SPMIP8: variants seen among roughly 807,000 people sequenced by gnomAD.
SPMIP8 encodes the protein sperm microtubule inner protein 8.
At chr16:57,977,841 C>T in the SPMIP8 span, 7 of 1,613,846 alleles carry the variant, frequency 4.3e-6, no homozygotes, top group Admixed American at 1.2e-4. Context: ...TGACCTGGTG[C>T]CCTGGGACGA....
the SPMIP8 span, chr16:57,977,720 A>T: frequency 7.5e-7 from 1 of 1,339,204 alleles, no homozygotes; most frequent in Non-Finnish European, 1.0e-6. Context: ...TTTGGCAAGT[A>T]GACATCGGCA....
the SPMIP8 span, chr16:57,984,729 T>C: frequency 1.2e-5 from 19 of 1,603,926 alleles, no homozygotes; most frequent in Non-Finnish European, 1.5e-5. Context: ...GGACTGGCCC[T>C]GCTTCACGCG....
the SPMIP8 span, among the ~76,000 whole-genome samples, chr16:57,981,410 AATAATTATTATTATTATTATT>A: frequency 4.3e-4 from 25 of 57,778 alleles, 1 homozygote; most frequent in African/African-American, 7.2e-4. Context: ...TTATTATAAT[AATAATTATTATTATTATTATT>A]ATAATTTGGT....
chr16:57,985,270 A>C, the SPMIP8 span: 12 of 1,549,058 alleles, frequency 7.7e-6, no homozygotes, highest in Non-Finnish European at 1.0e-5. Context: ...CCTGGCGGGT[A>C]GGGAGCGCTG....
chr16:57,985,415 T>TGGGGCGTGGGC, the SPMIP8 span: 1 of 1,612,726 alleles, frequency 6.2e-7, no homozygotes, highest in Non-Finnish European at 8.5e-7. Context: ...AAGCCCTGTG[T>TGGGGCGTGGGC]GGGGCGTGGG....
chr16:57,977,185 G>A, the SPMIP8 span, among the ~76,000 whole-genome samples: 2 of 151,998 alleles, frequency 1.3e-5, no homozygotes, highest in South Asian at 2.1e-4. Context: ...TGAGGCGGGT[G>A]GATCACTTGA....
chr16:57,981,106 C>A, the SPMIP8 span, among the ~76,000 whole-genome samples: 1 of 152,120 alleles, frequency 6.6e-6, no homozygotes, highest in Admixed American at 6.6e-5. Context: ...CTTGGCCGGG[C>A]GTGGCGGTTC....
the SPMIP8 span, among the ~76,000 whole-genome samples, chr16:57,981,956 G>T: frequency 6.6e-6 from 1 of 152,174 alleles, no homozygotes; most frequent in Non-Finnish European, 1.5e-5. Flanking sequence ...AGCCAAGAGG[G>T]GGGTCCGCTC....
the SPMIP8 span, among the ~76,000 whole-genome samples, chr16:57,976,864 T>A: frequency 6.6e-6 from 1 of 152,330 alleles, no homozygotes; most frequent in East Asian, 1.9e-4. Flanking sequence ...TCTCAACAAA[T>A]TCTCACTAAA....
At chr16:57,984,467 T>A in the SPMIP8 span, 1 of 1,545,326 alleles carries the variant, frequency 6.5e-7, no homozygotes, top group Non-Finnish European at 8.9e-7. Context: ...GGTGCCTGCT[T>A]GGGACTCCCG....
At chr16:57,987,107 A>G in the SPMIP8 span, 1 of 367,204 alleles carries the variant, frequency 2.7e-6, no homozygotes, top group Non-Finnish European at 4.9e-6. Flanking sequence ...GGGTTTTGCT[A>G]CCATATGATG....
chr16:57,981,501 C>CTTTT, the SPMIP8 span, among the ~76,000 whole-genome samples: 8 of 68,982 alleles, frequency 1.2e-4, 1 homozygote, highest in African/African-American at 4.8e-4. Context: ...CTCTCTTTCT[C>CTTTT]TTTTTTTTTT....
the SPMIP8 span, chr16:57,987,367 C>T: frequency 2.0e-6 from 3 of 1,530,210 alleles, no homozygotes; most frequent in Non-Finnish European, 2.6e-6. Context: ...CCCTGGAAAC[C>T]CCCACCTCAC....
the SPMIP8 span, chr16:57,986,205 G>A: frequency 4.8e-6 from 2 of 412,520 alleles, no homozygotes; most frequent in South Asian, 1.4e-4. Context: ...AGGATAGGGC[G>A]AGGATGTTAA....
chr16:57,981,389 A>AATTATTATTATAATTATTATT, the SPMIP8 span, among the ~76,000 whole-genome samples: 1 of 132,912 alleles, frequency 7.5e-6, no homozygotes, highest in South Asian at 2.4e-4. Flanking sequence ...CAATAATAAT[A>AATTATTATTATAATTATTATT]ATAATTATTA....
At chr16:57,977,560 A>AGTGTGTGTGTGTGTGTGT in the SPMIP8 span, among the ~76,000 whole-genome samples, 8 of 132,710 alleles carry the variant, frequency 6.0e-5, no homozygotes, top group African/African-American at 1.6e-4. Flanking sequence ...GCACAATGTG[A>AGTGTGTGTGTGTGTGTGT]GTGTGTGTGT....
the SPMIP8 span, chr16:57,977,732 T>C: frequency 2.4e-4 from 355 of 1,462,322 alleles, 3 homozygotes; most frequent in Admixed American, 6.0e-4. Context: ...ACATCGGCAC[T>C]GGCCAAGGTT....
chr16:57,985,229 G>A, the SPMIP8 span: 1 of 1,552,490 alleles, frequency 6.4e-7, no homozygotes, highest in Non-Finnish European at 8.7e-7. Context: ...CGGCTACGCG[G>A]TGCGGTACTT....
chr16:57,984,808 G>T, the SPMIP8 span: 7 of 1,604,936 alleles, frequency 4.4e-6, no homozygotes. Context: ...CTGAGGAAGC[G>T]AGGTCAGTCT....
Sources: gnomAD v4.1 joint callset for allele counts (sites outside exome capture counted in the v4.1 genomes callset) on GRCh38, gnomAD v4.1.1 for gene constraint, MANE v1.5 for transcripts, NCBI Gene and HGNC (gene_info 2026-07-23, HGNC 2026-07-21) for gene names.